The following SI variants were observed in gnomAD, a reference collection of about 807,000 sequenced individuals.
SI encodes sucrase-isomaltase, intestinal.
Under a neutral mutation model 253.3 loss-of-function variants are expected in SI, and 235 were observed. The observed-to-expected ratio is 0.93, with a 90% CI of 0.83 to 1.03. The LOEUF (loss-of-function observed/expected upper bound fraction) is 1.03. Among genes scored for constraint, SI ranks in the 50% least tolerant of loss-of-function variants. The pLI is 0.00. For missense variants in SI, 2,442 were observed against 2,211.1 expected (o/e 1.10, Z -2.09); for synonymous variants, 819 against 712.0 (o/e 1.15, Z -2.39).
At chr3:165,026,088 ACT>A (rs1435880703) in intron 25 of SI, among the ~76,000 whole-genome samples, 1 of 151,298 alleles carries the variant, frequency 6.6e-6, no homozygotes, top group Non-Finnish European at 1.5e-5. Flanking sequence ...CCTCCAAGAG[ACT>A]CACCTAACAC....
At chr3:165,087,541 A>C in the SI span, among the ~76,000 whole-genome samples, 1 of 152,126 alleles carries the variant, frequency 6.6e-6, no homozygotes, top group Non-Finnish European at 1.5e-5. Context: ...TAGATATTTG[A>C]AGCTTATAGT....
chr3:165,055,883 T>C (rs906673507), intron 12 of SI, among the ~76,000 whole-genome samples: 1 of 152,056 alleles, frequency 6.6e-6, no homozygotes, highest in African/African-American at 2.4e-5. Context: ...TTTTGCAGAT[T>C]AGAGAAGTGA....
chr3:165,046,401 G>T (rs200127766), intron 16 of SI, among the ~76,000 whole-genome samples: 1 of 27,502 alleles, frequency 3.6e-5, no homozygotes, highest in South Asian at 9.9e-4. Flanking sequence ...AATTTTAAAC[G>T]TTTTTTTCTG....
intron 17 of SI, among the ~76,000 whole-genome samples, chr3:165,042,023 T>A (rs934871874): frequency 6.6e-6 from 1 of 152,066 alleles, no homozygotes; most frequent in African/African-American, 2.4e-5. Context: ...CTTCCCTTCA[T>A]CTTCATCAAG....
At chr3:165,021,043 A>G (rs1711581351) in intron 27 of SI, among the ~76,000 whole-genome samples, 186 bp downstream of exon 27, 1 of 151,464 alleles carries the variant, frequency 6.6e-6, no homozygotes, top group Non-Finnish European at 1.5e-5. Context: ...TTGTGGGCCA[A>G]TCCTTTAAAA....
In SI at chr3:165,036,383, A is replaced by G. The variant is rs1403450038; in HGVS notation, c.2515+6T>C. The G allele has an allele frequency of 6.3e-7, 1 of 1,597,130 alleles. No individual in the cohort carries two copies. ...AACATTTAAAGCGTATTACTTTCAG[A>G]CTTACCTTTAGTTTCTCCATCATCC... is the stretch of plus-strand genomic sequence containing the variant. On this transcript the variant is annotated splice_donor_region_variant and intron_variant, in intron 22 of 47. Transcript: ENST00000264382.
intron 2 of SI, 72 bp downstream of exon 2, chr3:165,075,823 C>T: frequency 1.1e-6 from 1 of 920,816 alleles, no homozygotes; most frequent in East Asian, 2.4e-5. Context: ...TTTTTTAAAA[C>T]CTATAACTAT....
rs1717071894 is a variant in SI at position 164,979,427 on chromosome 3, A to G, written c.5419T>C (p.Leu1807=). The G allele has an allele frequency of 2.0e-6, 3 of 1,497,516 alleles. No individual in the cohort carries two copies. Among genetic ancestry groups the G allele is most frequent in the Middle Eastern group, 1.7e-4 (1 of 5,826 alleles). 92.8% of individuals were successfully genotyped at this position (1,497,516 alleles called of 1,614,324 possible). A position where few individuals can be genotyped will look rare whatever the true frequency, so the allele number is the denominator to read the frequency against. Residue 1807 remains leucine, a synonymous_variant, in exon 48 of 48, where the codon TTA becomes CTA. Transcript: ENST00000264382. ...PFNEDTTNMI[L]RIDLTTHNVT... ...TTGTGTGTGGTCAGATCAATACGTA[A>G]TATCTAAAAAAGTAAAATAATAATT...
chr3:165,022,533 TCTCA>T (rs1213325912), intron 26 of SI, among the ~76,000 whole-genome samples: 29 of 83,380 alleles, frequency 3.5e-4, no homozygotes, highest in African/African-American at 9.2e-4. Context: ...TTTTGTGCCA[TCTCA>T]CACACACACA....
At position 165,017,854 on chromosome 3, in the gene SI, A is replaced by C. The variant is rs759754319; in HGVS notation, c.3540T>G (p.Thr1180=). 4 of 1,612,850 alleles carry C rather than the reference A, an allele frequency of 2.5e-6. No individual in the cohort carries two copies. In the East Asian group the frequency reaches 8.9e-5, roughly 36 times the overall value. ...SNAMDVTFQP[T]PALTYRTVGG... is the part of the protein sequence containing the mutation. ...CAACTGTACGGTAAGTTAGAGCAGG[A>C]GTTGGCTGGAATGTAACATCTGGAA... The change falls in exon 30 of 48, where the codon ACT becomes ACG. Residue 1180 remains threonine (T), a synonymous_variant. Transcript: ENST00000264382.
At position 165,063,448 on chromosome 3, in the gene SI, C is replaced by A. The variant is rs1370696769; in HGVS notation, c.901G>T (p.Ala301Ser). ...SFGVFLMNSN[A>S]MEIFIQPTPI... is the part of the protein sequence containing the mutation. ...TCAAATGAATTATTCTTACCCATTG[C>A]ATTGCTATTCATTAAAAAAACACCG... Residue 301 changes from alanine to serine, a missense_variant, in exon 8 of 48, where the codon GCA (alanine) becomes TCA (serine). Coordinates refer to ENST00000264382, the MANE Select transcript of SI (RefSeq NM_001041.4). 1.4e-6 allele frequency: 2 copies of A among 1,388,440 alleles called. No individual in the cohort carries two copies. Among genetic ancestry groups the A allele is most frequent in the Non-Finnish European group, 2.0e-6 (2 of 977,948 alleles). The allele number at this position is 1,388,440 out of a possible 1,614,324, so 86.0% of individuals were successfully genotyped here.
At position 165,049,244 on chromosome 3, in the gene SI, T is replaced by C; in HGVS notation, c.1598A>G (p.Asp533Gly). 6.6e-7 allele frequency: 1 copy of C among 1,525,580 alleles called. No individual in the cohort carries two copies. The highest frequency in any genetic ancestry group is 9.1e-7 in the Non-Finnish European group (1 of 1,100,510). 94.5% of individuals were successfully genotyped at this position (1,525,580 alleles called of 1,614,324 possible). A position where few individuals can be genotyped will look rare whatever the true frequency, so the allele number is the denominator to read the frequency against. Residue 533 changes from aspartate (D) to glycine (G), a missense_variant and splice_region_variant, in exon 15 of 48, where the codon GAT (aspartate) becomes GGT (glycine). Physicochemically the swap from Asp to Gly is moderately conservative, Grantham distance 94. Transcript: ENST00000264382. ...NKLNYPPFTP[D>G]ILDKLMYSKT... is the part of the protein sequence containing the mutation. Reference sequence around the variant, plus strand: ...GGAATACATGAGTTTGTCAAGAATATCTTTGAGAAAATACATAAGAAACAT... The same window carrying C: ...GGAATACATGAGTTTGTCAAGAATACCTTTGAGAAAATACATAAGAAACAT...
intron 38 of SI, among the ~76,000 whole-genome samples, chr3:164,998,026 T>C (rs1403588642): frequency 6.6e-6 from 1 of 151,794 alleles, no homozygotes; most frequent in East Asian, 1.9e-4. Context: ...ATCATTTCTA[T>C]TCCTCTGGGT....
chr3:164,993,553 CTGGTAATAT>C (rs1717871624), intron 41 of SI, among the ~76,000 whole-genome samples: 1 of 151,694 alleles, frequency 6.6e-6, no homozygotes, highest in Middle Eastern at 3.4e-3. Flanking sequence ...TTCAATTACT[CTGGTAATAT>C]AGGGTGCTCA....
upstream of SI, among the ~76,000 whole-genome samples, chr3:165,078,976 A>T (rs1715178926): frequency 6.6e-6 from 1 of 151,600 alleles, no homozygotes; most frequent in African/African-American, 2.4e-5. Context: ...AGGTTGAAAA[A>T]GTGACCAAAT....
intron 15 of SI, among the ~76,000 whole-genome samples, chr3:165,048,454 G>C (rs1713241714): frequency 6.6e-6 from 1 of 150,546 alleles, no homozygotes; most frequent in Admixed American, 6.6e-5. Flanking sequence ...CTAATTGTGA[G>C]ATGCAAGCTT....
intron 47 of SI, among the ~76,000 whole-genome samples, chr3:164,979,874 A>G (rs1717097577): frequency 6.6e-6 from 1 of 151,842 alleles, no homozygotes; most frequent in Non-Finnish European, 1.5e-5. Flanking sequence ...ATGATGCTTC[A>G]TTTATTGCCA....
At chr3:164,984,692 A>G (rs1717354112) in intron 45 of SI, among the ~76,000 whole-genome samples, 1 of 152,180 alleles carries the variant, frequency 6.6e-6, no homozygotes, top group Non-Finnish European at 1.5e-5. Flanking sequence ...GTTAAAATTT[A>G]CTTAATGTTA....
chr3:165,053,979 C>G (rs983375741), intron 13 of SI, among the ~76,000 whole-genome samples: 4 of 151,926 alleles, frequency 2.6e-5, no homozygotes, highest in African/African-American at 7.2e-5. Flanking sequence ...TTTTCATCTT[C>G]ATTTTGTTAC....
Sources: allele counts gnomAD v4.1 joint callset (sites outside exome capture counted in the v4.1 genomes callset), GRCh38; gene constraint gnomAD v4.1.1; transcripts MANE v1.5; gene names NCBI Gene and HGNC (gene_info 2026-07-23, HGNC 2026-07-21).